The following FSHR variants were observed in gnomAD, a reference collection of about 807,000 sequenced individuals.
The protein encoded by FSHR is follicle-stimulating hormone receptor.
In FSHR, 46 loss-of-function variants were observed where a neutral mutation model predicts 52.1. The ratio of observed to expected loss-of-function variants is 0.88; its 90% CI spans 0.70 to 1.13. FSHR has a LOEUF of 1.13. Ranked by LOEUF, FSHR falls within the 50% of genes most tolerant of loss-of-function variation. The pLI is 0.00. For missense variants in FSHR, 964 were observed against 834.6 expected (o/e 1.16, Z -1.91); for synonymous variants, 399 against 309.6 (o/e 1.29, Z -3.03).
chr2:49,015,557 T>C (rs1194177787), intron 4 of FSHR, among the ~76,000 whole-genome samples: 2 of 152,216 alleles, frequency 1.3e-5, no homozygotes, highest in Admixed American at 1.3e-4. Flanking sequence ...AACTATTGAA[T>C]GATGGAGTCA....
intron 2 of FSHR, among the ~76,000 whole-genome samples, chr2:49,030,300 G>A (rs1345004174): frequency 7.5e-6 from 1 of 133,826 alleles, no homozygotes; most frequent in African/African-American, 2.7e-5. Context: ...GTGTGTGTGT[G>A]TGTGTGTGTG....
chr2:48,978,532 G>A (rs1290193694), intron 8 of FSHR, among the ~76,000 whole-genome samples: 2 of 152,210 alleles, frequency 1.3e-5, no homozygotes, highest in African/African-American at 2.4e-5. Flanking sequence ...GAATATGATT[G>A]TACTGGCTCC....
At chr2:49,152,046 T>A (rs1378286667) in intron 1 of FSHR, among the ~76,000 whole-genome samples, 1 of 152,142 alleles carries the variant, frequency 6.6e-6, no homozygotes, top group Non-Finnish European at 1.5e-5. Flanking sequence ...AGTCAAGCCC[T>A]ACCAATGAGT....
At chr2:49,105,758 A>G (rs2055573) in intron 1 of FSHR, among the ~76,000 whole-genome samples, 1,924 of 152,244 alleles carry the variant, frequency 0.013, 35 homozygotes, top group African/African-American at 0.044. Flanking sequence ...ACTCAAGGCC[A>G]CTGAGCAGAC....
intron 6 of FSHR, 113 bp downstream of exon 6, chr2:48,988,864 A>G (rs1015549672): frequency 1.3e-6 from 1 of 797,220 alleles, no homozygotes; most frequent in African/African-American, 1.7e-5. Context: ...GAGTGATTTA[A>G]GTGGAGAAAT....
intron 1 of FSHR, among the ~76,000 whole-genome samples, chr2:49,101,755 A>G (rs1430281281): frequency 6.6e-6 from 1 of 152,188 alleles, no homozygotes; most frequent in African/African-American, 2.4e-5. Flanking sequence ...GGAATCAGAA[A>G]TCTATAAAGA....
At chr2:49,092,798 T>A (rs1670659940) in intron 1 of FSHR, among the ~76,000 whole-genome samples, 1 of 152,138 alleles carries the variant, frequency 6.6e-6, no homozygotes, top group South Asian at 2.1e-4. Context: ...CCCAAATAGC[T>A]GGGATTACAG....
At chr2:49,009,651 G>A (rs1254686677) in intron 4 of FSHR, among the ~76,000 whole-genome samples, 2 of 150,620 alleles carry the variant, frequency 1.3e-5, no homozygotes, top group Non-Finnish European at 3.0e-5. Context: ...GATTCTTCCT[G>A]CCCATGAGCA....
At chr2:49,045,456 A>G (rs1185464917) in intron 2 of FSHR, among the ~76,000 whole-genome samples, 2 of 152,240 alleles carry the variant, frequency 1.3e-5, no homozygotes, top group Non-Finnish European at 2.9e-5. Flanking sequence ...ATTTAACTAA[A>G]AGAAAAATCC....
chr2:49,019,833 G>T (rs1359626747), intron 3 of FSHR, among the ~76,000 whole-genome samples: 2 of 152,200 alleles, frequency 1.3e-5, no homozygotes, highest in Non-Finnish European at 2.9e-5. Flanking sequence ...CATAGTCACT[G>T]GGCAAAGTTC....
chr2:49,013,505 T>TAAAAATAA (rs1336943282), intron 4 of FSHR, among the ~76,000 whole-genome samples: 7 of 73,936 alleles, frequency 9.5e-5, no homozygotes, highest in African/African-American at 2.2e-4. Flanking sequence ...TATATAAATA[T>TAAAAATAA]ATATATATAT....
intron 1 of FSHR, among the ~76,000 whole-genome samples, chr2:49,079,588 C>G (rs937121840): frequency 2.6e-5 from 4 of 151,896 alleles, no homozygotes; most frequent in Non-Finnish European, 5.9e-5. Flanking sequence ...CGGAAATAAA[C>G]CACAAACAAA....
intron 1 of FSHR, among the ~76,000 whole-genome samples, chr2:49,091,552 C>T (rs1670608234): frequency 6.6e-6 from 1 of 151,834 alleles, no homozygotes; most frequent in African/African-American, 2.4e-5. Context: ...CCAACTTGGC[C>T]TCCCAAAGTG....
chr2:48,974,537 A>G (rs995002933), intron 8 of FSHR, among the ~76,000 whole-genome samples: 1 of 152,230 alleles, frequency 6.6e-6, no homozygotes, highest in Non-Finnish European at 1.5e-5. Context: ...GGTAAGAAAG[A>G]GGCAAAGTCA....
At position 49,068,138 on chromosome 2, in the gene FSHR, G is replaced by C. The variant is rs371699227; in HGVS notation, c.224+81C>G. The C allele has an allele frequency of 9.6e-6, 10 of 1,042,336 alleles. 1 individual carries two copies. Among genetic ancestry groups the C allele is most frequent in the African/African-American group, 6.4e-5 (4 of 62,084 alleles). 64.6% of individuals were successfully genotyped at this position (1,042,336 alleles called of 1,614,324 possible). A position where few individuals can be genotyped will look rare whatever the true frequency, so the allele number is the denominator to read the frequency against. On this transcript the variant is annotated intron_variant, in intron 2 of 9. Coordinates refer to ENST00000406846, the MANE Select transcript of FSHR (RefSeq NM_000145.4). The stretch of plus-strand genomic sequence containing the variant: ...CATGTCAGTTCGGCTACTAAGTGCA[G>C]ATAGTCATACTAGATGTGGTCTGAG...
At chr2:49,058,471 G>A (rs1221131615) in intron 2 of FSHR, among the ~76,000 whole-genome samples, 3 of 151,954 alleles carry the variant, frequency 2.0e-5, no homozygotes, top group Non-Finnish European at 4.4e-5. Flanking sequence ...CGCTGGAACC[G>A]GGAGGCAGAG....
intron 6 of FSHR, among the ~76,000 whole-genome samples, chr2:48,988,224 C>T (rs893795499): frequency 5.3e-5 from 8 of 152,034 alleles, no homozygotes; most frequent in Non-Finnish European, 7.4e-5. Flanking sequence ...AAAACTCATA[C>T]TGGTATATTT....
chr2:49,077,050 G>A (rs762069559), intron 1 of FSHR, among the ~76,000 whole-genome samples: 6 of 152,118 alleles, frequency 3.9e-5, no homozygotes, highest in South Asian at 2.1e-4. Flanking sequence ...GATGGTGGCC[G>A]TCTTCTCACA....
At position 48,962,952 on chromosome 2, in the gene FSHR, G is replaced by T. The variant is rs761868443; in HGVS notation, c.1869C>A (p.Pro623=). The change falls in exon 10 of 10, where the codon CCC becomes CCA. Residue 623 remains proline (P), a synonymous_variant. Transcript: ENST00000406846. The stretch of plus-strand genomic sequence containing the variant: ...TTTTGGTAAAGATGGCATAGAGGAA[G>T]GGGTTGGCACAGGAGTTGATGGGGT... ...LFHPINSCAN[P]FLYAIFTKNF... is the part of the protein sequence containing the mutation. The T allele has an allele frequency of 1.9e-6, 3 of 1,614,030 alleles. No homozygotes were observed. Among genetic ancestry groups the T allele is most frequent in the African/African-American group, 2.7e-5 (2 of 74,910 alleles).
Sources: allele counts gnomAD v4.1 joint callset (sites outside exome capture counted in the v4.1 genomes callset), GRCh38; gene constraint gnomAD v4.1.1; transcripts MANE v1.5; gene names NCBI Gene and HGNC (gene_info 2026-07-23, HGNC 2026-07-21).